The following ATP2C2 variants were observed in gnomAD, a reference collection of about 807,000 sequenced individuals.
ATP2C2 encodes the protein calcium-transporting ATPase type 2C member 2.
In ATP2C2, 171 loss-of-function variants were observed where a neutral mutation model predicts 110.8. That is an observed-to-expected ratio of 1.54 (90% CI 1.36 to 1.75). The LOEUF (loss-of-function observed/expected upper bound fraction) is 1.75, where lower values mean the gene tolerates loss of function less well. Ranked by LOEUF, ATP2C2 falls within the 40% of genes most tolerant of loss-of-function variation. ATP2C2 has a pLI of 0.00. For missense variants in ATP2C2, 1,963 were observed against 1,235.0 expected (o/e 1.59, Z -8.84); for synonymous variants, 804 against 508.4 (o/e 1.58, Z -7.82).
At chr16:84,397,621 C>G (rs1327726398) in intron 1 of ATP2C2, among the ~76,000 whole-genome samples, 2 of 132,040 alleles carry the variant, frequency 1.5e-5, no homozygotes, top group Non-Finnish European at 3.2e-5. Flanking sequence ...CTGCAGTGAG[C>G]TATGATTGCA....
At chr16:84,370,020 G>A (rs1056274085) in intron 1 of ATP2C2, among the ~76,000 whole-genome samples, 9 of 152,206 alleles carry the variant, frequency 5.9e-5, no homozygotes, top group African/African-American at 2.2e-4. Flanking sequence ...CCTTTCCTAT[G>A]TTGCCATTCC....
intron 1 of ATP2C2, among the ~76,000 whole-genome samples, chr16:84,385,868 C>T (rs1168824813): frequency 6.6e-6 from 1 of 152,246 alleles, no homozygotes; most frequent in Non-Finnish European, 1.5e-5. Context: ...GGGGATTACA[C>T]TTCAGATTAC....
rs752598878 is a variant in ATP2C2 at position 84,446,403 on chromosome 16, G to A, written c.1476G>A (p.Met492Ile). 86 of 1,605,926 alleles carry A rather than the reference G, an allele frequency of 5.4e-5. No homozygotes were observed. Among genetic ancestry groups the A allele is most frequent in the South Asian group, 1.1e-5 (1 of 89,226 alleles). Residue 492 changes from methionine to isoleucine, a missense_variant, in exon 16 of 27, where the codon ATG becomes ATA. Transcript: ENST00000262429. ...CATTCAGTTCAGAGCAGAAGTGGAT[G>A]GCGGTGAAATGCAGTCTGAAGACTG... ...EIPFSSEQKW[M>I]AVKCSLKTED...
chr16:84,403,059 T>C (rs1048303214), intron 2 of ATP2C2, among the ~76,000 whole-genome samples: 1 of 152,200 alleles, frequency 6.6e-6, no homozygotes, highest in Admixed American at 6.5e-5. Context: ...TATTTTCCAA[T>C]TTATTGGCAT....
intron 1 of ATP2C2, among the ~76,000 whole-genome samples, chr16:84,397,155 T>G (rs1358900432): frequency 1.3e-5 from 2 of 151,852 alleles, no homozygotes; most frequent in Non-Finnish European, 2.9e-5. Flanking sequence ...ACTTTTCCGC[T>G]TCTGAGGTCT....
intron 24 of ATP2C2, chr16:84,461,290 C>T (rs956159091): frequency 3.4e-6 from 1 of 294,744 alleles, no homozygotes; most frequent in Non-Finnish European, 6.4e-6. Context: ...CACAGATTGC[C>T]CATGTGCAGG....
In ATP2C2 at chr16:84,452,992, C is replaced by T. The variant is rs571252282; in HGVS notation, c.1832-146C>T. ...GTGTAAGTTAATCCTGTGGATAGAA[C>T]CGAGGCCGTGCAGCATGGTAGGTCC... On this transcript the variant is annotated intron_variant, in intron 18 of 26. Coordinates refer to ENST00000262429, the MANE Select transcript of ATP2C2 (RefSeq NM_014861.4). 1.7e-5 allele frequency: 13 copies of T among 754,928 alleles called. No individual in the cohort carries two copies. In the African/African-American group the frequency reaches 1.8e-4, roughly 10 times the overall value. The allele number at this position is 754,928 out of a possible 1,614,324, so 46.8% of individuals were successfully genotyped here.
intron 3 of ATP2C2, among the ~76,000 whole-genome samples, chr16:84,407,854 A>C (rs894928547): frequency 6.6e-6 from 1 of 152,122 alleles, no homozygotes; most frequent in Non-Finnish European, 1.5e-5. Context: ...ATTTCTTTTC[A>C]ATCCTCTGTA....
chr16:84,424,888 G>A (rs1376189181), intron 10 of ATP2C2, among the ~76,000 whole-genome samples: 1 of 152,142 alleles, frequency 6.6e-6, no homozygotes, highest in African/African-American at 2.4e-5. Flanking sequence ...CCACAAGGGT[G>A]GAGTGAGTAC....
chr16:84,393,950 G>T (rs1904814705), intron 1 of ATP2C2, among the ~76,000 whole-genome samples: 1 of 150,428 alleles, frequency 6.6e-6, no homozygotes, highest in Admixed American at 6.6e-5. Context: ...GAGTCCAGGG[G>T]TTCAAGACCA....
chr16:84,439,643 T>A, intron 13 of ATP2C2, 119 bp downstream of exon 13: 1 of 959,522 alleles, frequency 1.0e-6, no homozygotes, highest in Non-Finnish European at 1.6e-6. Flanking sequence ...TGGGGTCATC[T>A]TATAATCTCC....
intron 11 of ATP2C2, among the ~76,000 whole-genome samples, chr16:84,433,915 G>C (rs1194084353): frequency 6.6e-6 from 1 of 152,160 alleles, no homozygotes; most frequent in East Asian, 1.9e-4. Context: ...CATCCCGCTT[G>C]ATCCATGCGA....
At chr16:84,383,996 C>A (rs940542001) in intron 1 of ATP2C2, among the ~76,000 whole-genome samples, 40 of 151,900 alleles carry the variant, frequency 2.6e-4, no homozygotes, top group Admixed American at 2.0e-3. Flanking sequence ...ACGCTGTTGT[C>A]CAGGCTGGTC....
At chr16:84,455,134 C>A (rs1208225182) in intron 21 of ATP2C2, 150 bp downstream of exon 21, 13 of 995,190 alleles carry the variant, frequency 1.3e-5, no homozygotes, top group Non-Finnish European at 1.9e-5. Context: ...GTGGCAGGTG[C>A]CCCCAACCCC....
chr16:84,393,822 G>A (rs1237286552), intron 1 of ATP2C2, among the ~76,000 whole-genome samples: 3 of 151,648 alleles, frequency 2.0e-5, no homozygotes, highest in Non-Finnish European at 4.4e-5. Flanking sequence ...GTTTCTAAGT[G>A]GTGGACGGAG....
Position 84,464,141 on chromosome 16 carries a change from A to G in ATP2C2, c.*409A>G. The stretch of plus-strand genomic sequence containing the variant: ...CTCCTGGAGGCCCCATTTCCTCATC[A>G]TAAAATGAGGGACTTTTAAATAAAG... On this transcript the variant is annotated 3_prime_UTR_variant, in exon 27 of 27. Transcript: ENST00000262429. The G allele has an allele frequency of 6.3e-6, 1 of 158,764 alleles. No individual in the cohort carries two copies. 9.8% of individuals were successfully genotyped at this position (158,764 alleles called of 1,614,324 possible).
Position 84,462,123 on chromosome 16 carries a change from G to C in ATP2C2, c.2716G>C (p.Ala906Pro). The change falls in exon 26 of 27, where the codon GCG (alanine) becomes CCG (proline). Residue 906 changes from alanine (A) to proline (P), a missense_variant. Physicochemically the swap from Ala to Pro is conservative, Grantham distance 27. Transcript: ENST00000262429. Reference sequence around the variant, plus strand: ...GGTCTTCCAGACGGAGAACCTGGGAGCGCTTGGTGAGTGGTGGGGACGGGA... The same window carrying C: ...GGTCTTCCAGACGGAGAACCTGGGACCGCTTGGTGAGTGGTGGGGACGGGA... ...QRVFQTENLG[A>P]LDLLFLTGLA... The C allele has an allele frequency of 6.2e-7, 1 of 1,613,186 alleles. No individual in the cohort carries two copies. The highest frequency in any genetic ancestry group is 8.5e-7 in the Non-Finnish European group (1 of 1,179,460).
At chr16:84,424,700 C>T (rs935306218) in intron 10 of ATP2C2, among the ~76,000 whole-genome samples, 38 of 151,648 alleles carry the variant, frequency 2.5e-4, no homozygotes, top group African/African-American at 9.0e-4. Flanking sequence ...CAACACCATG[C>T]TGGTCAGCGC....
intron 3 of ATP2C2, 137 bp downstream of exon 3, chr16:84,405,381 G>A: frequency 1.4e-6 from 1 of 719,984 alleles, no homozygotes; most frequent in South Asian, 1.8e-5. Context: ...GCCAGCCTGA[G>A]CATCAGTCAT....
Sources: gnomAD v4.1 joint callset for allele counts (sites outside exome capture counted in the v4.1 genomes callset) on GRCh38, gnomAD v4.1.1 for gene constraint, MANE v1.5 for transcripts, NCBI Gene and HGNC (gene_info 2026-07-23, HGNC 2026-07-21) for gene names.